Variants in PRKN observed in about 807,000 individuals in gnomAD.
PRKN encodes the protein E3 ubiquitin-protein ligase parkin.
PRKN carries 56 observed loss-of-function variants against 59.5 expected under a neutral mutation model. The ratio of observed to expected loss-of-function variants is 0.94; its 90% CI spans 0.76 to 1.18. The LOEUF (loss-of-function observed/expected upper bound fraction) is 1.18, where lower values mean the gene tolerates loss of function less well. Ranked by LOEUF, PRKN falls within the 50% of genes most tolerant of loss-of-function variation. The pLI, the probability that PRKN is intolerant of heterozygous loss-of-function variation, is 0.00. For missense variants in PRKN, 657 were observed against 596.4 expected (o/e 1.10, Z -1.06); for synonymous variants, 250 against 222.1 (o/e 1.13, Z -1.12).
chr6:161,792,288 G>A (rs368379298), intron 6 of PRKN, among the ~76,000 whole-genome samples: 63 of 152,324 alleles, frequency 4.1e-4, no homozygotes, highest in African/African-American at 1.4e-3. Flanking sequence ...GTTCAGAGGA[G>A]GAGGAGGTCA....
intron 1 of PRKN, among the ~76,000 whole-genome samples, chr6:162,572,485 T>C (rs1780377634): frequency 6.6e-6 from 1 of 152,172 alleles, no homozygotes; most frequent in Non-Finnish European, 1.5e-5. Flanking sequence ...GCAGTGAAGT[T>C]GTCACAGCAT....
At chr6:162,476,231 T>C (rs192800125) in intron 1 of PRKN, among the ~76,000 whole-genome samples, 81 of 152,072 alleles carry the variant, frequency 5.3e-4, no homozygotes, top group African/African-American at 1.8e-3. Context: ...CTTATTTTTA[T>C]TTATTTATTT....
intron 4 of PRKN, among the ~76,000 whole-genome samples, chr6:162,104,119 A>G (rs1013035616): frequency 6.6e-6 from 1 of 152,104 alleles, no homozygotes; most frequent in Non-Finnish European, 1.5e-5. Flanking sequence ...TCTACCACTT[A>G]CTGCATGACT....
At chr6:162,242,952 T>C (rs1238645555) in intron 3 of PRKN, among the ~76,000 whole-genome samples, 1 of 152,090 alleles carries the variant, frequency 6.6e-6, no homozygotes, top group Non-Finnish European at 1.5e-5. Flanking sequence ...TTAGACATGT[T>C]TGTGAGATAA....
At chr6:162,653,047 G>T (rs916252128) in intron 1 of PRKN, among the ~76,000 whole-genome samples, 9 of 152,138 alleles carry the variant, frequency 5.9e-5, no homozygotes, top group Non-Finnish European at 8.8e-5. Flanking sequence ...GTCAATCAAT[G>T]ATTTGAAGAT....
intron 4 of PRKN, among the ~76,000 whole-genome samples, chr6:162,151,934 C>T (rs532038442): frequency 4.6e-5 from 7 of 152,164 alleles, no homozygotes; most frequent in Non-Finnish European, 1.0e-4. Context: ...ATAGAAAGTG[C>T]TTGTGAAAAA....
At chr6:162,192,236 G>A (rs1014237354) in intron 4 of PRKN, among the ~76,000 whole-genome samples, 1 of 152,004 alleles carries the variant, frequency 6.6e-6, no homozygotes, top group Non-Finnish European at 1.5e-5. Flanking sequence ...ATGACTGCAT[G>A]TCACTACTAA....
intron 3 of PRKN, among the ~76,000 whole-genome samples, chr6:162,234,132 G>A (rs555428943): frequency 7.2e-5 from 11 of 152,300 alleles, no homozygotes; most frequent in African/African-American, 2.6e-4. Flanking sequence ...GAAAAAAGCA[G>A]AGAATGTGTT....
At chr6:161,612,270 G>A (rs1429764306) in intron 7 of PRKN, among the ~76,000 whole-genome samples, 1 of 152,372 alleles carries the variant, frequency 6.6e-6, no homozygotes, top group Non-Finnish European at 1.5e-5. Flanking sequence ...GTAGATGAAA[G>A]AGCCTTCTAT....
chr6:161,920,463 G>C (rs1472385956), intron 6 of PRKN, among the ~76,000 whole-genome samples: 2 of 151,902 alleles, frequency 1.3e-5, no homozygotes, highest in African/African-American at 4.8e-5. Context: ...CATGGAAAAG[G>C]TACAGTGAAA....
intron 3 of PRKN, among the ~76,000 whole-genome samples, chr6:162,206,296 TATG>T (rs1296041515): frequency 2.0e-5 from 3 of 152,124 alleles, no homozygotes; most frequent in African/African-American, 7.2e-5. Flanking sequence ...TCCATTATCA[TATG>T]ATATTTCCCT....
intron 9 of PRKN, among the ~76,000 whole-genome samples, chr6:161,496,564 C>G (rs1372453915): frequency 6.6e-6 from 1 of 152,200 alleles, no homozygotes; most frequent in East Asian, 1.9e-4. Flanking sequence ...TTTATAAAAC[C>G]ATCAGATCTT....
chr6:162,285,782 C>T (rs75217733), intron 2 of PRKN, among the ~76,000 whole-genome samples: 1 of 152,120 alleles, frequency 6.6e-6, no homozygotes, highest in Non-Finnish European at 1.5e-5. Flanking sequence ...ACACTGATTC[C>T]TTTTATCTGA....
chr6:161,793,706 G>A (rs572266204), intron 6 of PRKN, among the ~76,000 whole-genome samples: 13 of 152,096 alleles, frequency 8.5e-5, no homozygotes, highest in Non-Finnish European at 1.8e-4. Context: ...TGGAGGAAGG[G>A]CTCCCAAGAT....
chr6:161,608,106 C>T (rs1399765316), intron 7 of PRKN, among the ~76,000 whole-genome samples: 3 of 152,106 alleles, frequency 2.0e-5, no homozygotes, highest in Admixed American at 1.3e-4. Flanking sequence ...CAGTGCCCTC[C>T]GCTGTGCTGG....
chr6:162,131,095 T>C (rs142408010), intron 4 of PRKN, among the ~76,000 whole-genome samples: 257 of 152,334 alleles, frequency 1.7e-3, no homozygotes, highest in African/African-American at 5.8e-3. Flanking sequence ...TTCATGGCAT[T>C]CATTAATGAT....
chr6:162,178,050 T>C (rs1422714521), intron 4 of PRKN, among the ~76,000 whole-genome samples: 1 of 152,212 alleles, frequency 6.6e-6, no homozygotes, highest in Non-Finnish European at 1.5e-5. Flanking sequence ...TTTTCCCCTG[T>C]AGGCTAAGGA....
At chr6:161,689,591 T>C (rs560378621) in intron 7 of PRKN, among the ~76,000 whole-genome samples, 1 of 152,206 alleles carries the variant, frequency 6.6e-6, no homozygotes, top group African/African-American at 2.4e-5. Context: ...TGAGTGTCCC[T>C]GGCCAATGCA....
chr6:162,026,136 A>C (rs1042008076), intron 5 of PRKN, among the ~76,000 whole-genome samples: 1 of 149,486 alleles, frequency 6.7e-6, no homozygotes, highest in African/African-American at 2.4e-5. Context: ...TAGTTCTTTC[A>C]GTGAATTGCT....
Sources: allele counts gnomAD v4.1 joint callset (sites outside exome capture counted in the v4.1 genomes callset), GRCh38; gene constraint gnomAD v4.1.1; transcripts MANE v1.5; gene names NCBI Gene and HGNC (gene_info 2026-07-23, HGNC 2026-07-21).